AQP11: variants seen among roughly 807,000 people sequenced by gnomAD.
The protein encoded by AQP11 is aquaporin-11.
A neutral mutation model predicts 21.1 loss-of-function variants in AQP11; 20 were observed. That is an observed-to-expected ratio of 0.95 (90% CI 0.67 to 1.38). AQP11 has a LOEUF of 1.38. Among genes scored for constraint, AQP11 ranks in the 40% most tolerant of loss-of-function variants. The pLI, the probability that AQP11 is intolerant of heterozygous loss-of-function variation, is 0.00. For missense variants in AQP11, 339 were observed against 340.4 expected (o/e 1.00, Z 0.03); for synonymous variants, 167 against 150.1 (o/e 1.11, Z -0.82).
rs1174973726 is a variant in AQP11 at position 77,596,562 on chromosome 11, ATG to A, written c.619+5953_619+5954del. Among the ~76,000 whole-genome samples the A allele has an allele frequency of 2.9e-3, 382 of 133,262 alleles. 7 individuals are homozygous for A. Among genetic ancestry groups the A allele is most frequent in the East Asian group, 0.014 (68 of 4,776 alleles). 87.4% of individuals were successfully genotyped at this position (133,262 alleles called of 152,430 possible). A position where few individuals can be genotyped will look rare whatever the true frequency, so the allele number is the denominator to read the frequency against. ...AATATATATATATATATATATATAT[ATG>A]TATGTAATGGTTAAGGCCAGGTATG... On this transcript the variant is annotated intron_variant, in intron 1 of 2. Transcript: ENST00000313578.
intron 2 of AQP11, among the ~76,000 whole-genome samples, chr11:77,607,155 C>A (rs1958851319): frequency 6.6e-6 from 1 of 152,072 alleles, no homozygotes; most frequent in Admixed American, 6.6e-5. Context: ...ATACTGCATT[C>A]CAGCCAGCCA....
At chr11:77,608,132 T>TC (rs1289602871) in intron 2 of AQP11, among the ~76,000 whole-genome samples, 1 of 152,244 alleles carries the variant, frequency 6.6e-6, no homozygotes, top group Non-Finnish European at 1.5e-5. Flanking sequence ...TTTAAACTGA[T>TC]CTAGGGCTTT....
rs1351410508 is a variant in AQP11 at position 77,609,415 on chromosome 11, A to G, written c.*38A>G. On this transcript the variant is annotated 3_prime_UTR_variant, in exon 3 of 3. Coordinates refer to ENST00000313578, the MANE Select transcript of AQP11 (RefSeq NM_173039.3). ...CTCAGACTAACATACAGGACAGTCC[A>G]GCTGGATGTGATAAAGATTTTATCA... 2 of 1,495,346 alleles carry G rather than the reference A, an allele frequency of 1.3e-6. No individual in the cohort carries two copies. Among genetic ancestry groups the G allele is most frequent in the Non-Finnish European group, 9.1e-7 (1 of 1,093,486 alleles). 92.6% of individuals were successfully genotyped at this position (1,495,346 alleles called of 1,614,324 possible). A position where few individuals can be genotyped will look rare whatever the true frequency, so the allele number is the denominator to read the frequency against.
chr11:77,600,755 G>A (rs1958810756), intron 1 of AQP11, among the ~76,000 whole-genome samples: 1 of 152,220 alleles, frequency 6.6e-6, no homozygotes, highest in East Asian at 1.9e-4. Context: ...GCTCACGCCT[G>A]TAATCCCAGC....
chr11:77,590,693 A>C (rs1008160009), intron 1 of AQP11, 82 bp downstream of exon 1: 72 of 1,521,150 alleles, frequency 4.7e-5, no homozygotes, highest in Middle Eastern at 1.8e-4. Context: ...AATACATTTG[A>C]AACCGTCTAT....
chr11:77,606,037 A>C (rs1384470098), intron 2 of AQP11, among the ~76,000 whole-genome samples: 1 of 4,860 alleles, frequency 2.1e-4, no homozygotes, highest in Non-Finnish European at 3.9e-4. Flanking sequence ...AGCGAGTCTC[A>C]AAAAAAAAAA....
At chr11:77,604,724 T>TTATTGTTATGCTCAATATCA (rs1477169332) in intron 2 of AQP11, among the ~76,000 whole-genome samples, 1 of 152,226 alleles carries the variant, frequency 6.6e-6, no homozygotes, top group Non-Finnish European at 1.5e-5. Flanking sequence ...CACATTAATG[T>TTATTGTTATGCTCAATATCA]TATTGTTATG....
intron 2 of AQP11, among the ~76,000 whole-genome samples, chr11:77,604,808 G>C (rs189972497): frequency 6.6e-6 from 1 of 152,220 alleles, no homozygotes; most frequent in Non-Finnish European, 1.5e-5. Context: ...AAGAATATCA[G>C]AGAAAAACTG....
chr11:77,606,036 CAAAAAAAAAAAAAA>C (rs11326964), intron 2 of AQP11, among the ~76,000 whole-genome samples: 3,572 of 64,256 alleles, frequency 0.056, 178 homozygotes, highest in African/African-American at 0.17. Context: ...GAGCGAGTCT[CAAAAAAAAAAAAAA>C]AAAAAAAAAA....
chr11:77,593,869 T>C (rs1369050726), intron 1 of AQP11, among the ~76,000 whole-genome samples: 1 of 152,174 alleles, frequency 6.6e-6, no homozygotes, highest in Admixed American at 6.5e-5. Flanking sequence ...CAATTGAATA[T>C]ATTCAGCCAT....
intron 2 of AQP11, among the ~76,000 whole-genome samples, chr11:77,608,208 A>G (rs2135752796): frequency 6.6e-6 from 1 of 152,366 alleles, no homozygotes; most frequent in South Asian, 2.1e-4. Context: ...CAGGATAGTG[A>G]CTTGAGCCCT....
chr11:77,608,890 T>C (rs373435278), intron 2 of AQP11, among the ~76,000 whole-genome samples: 41 of 152,304 alleles, frequency 2.7e-4, no homozygotes, highest in African/African-American at 9.9e-4. Context: ...GGTATGTCCC[T>C]GGGGCACGGA....
rs1461971965 is a variant in AQP11 at position 77,596,454 on chromosome 11, A to AT, written c.619+5843_619+5844insT. ...AGACTATGTCTCAATTAAAAAAAAA[A>AT]AATATATATATATATGTAAATATAT... On this transcript the variant is annotated intron_variant, in intron 1 of 2. Transcript: ENST00000313578. Among the ~76,000 whole-genome samples the AT allele has an allele frequency of 1.7e-3, 204 of 117,592 alleles. 1 individual carries two copies. The highest frequency in any genetic ancestry group is 2.3e-3 in the Non-Finnish European group (133 of 57,214). 77.1% of individuals were successfully genotyped at this position (117,592 alleles called of 152,430 possible).
intron 2 of AQP11, among the ~76,000 whole-genome samples, chr11:77,606,731 A>G (rs1335564865): frequency 1.3e-5 from 2 of 152,098 alleles, no homozygotes; most frequent in Non-Finnish European, 2.9e-5. Context: ...TTTTTTATAG[A>G]AATGGGGTTT....
intron 1 of AQP11, among the ~76,000 whole-genome samples, chr11:77,596,865 A>T (rs200413466): frequency 4.1e-5 from 4 of 96,456 alleles, no homozygotes; most frequent in Admixed American, 1.0e-4. Context: ...GTTTCAATTT[A>T]AAAAAAAAAA....
At position 77,591,443 on chromosome 11, in the gene AQP11, G is replaced by C. The variant is rs1344246022; in HGVS notation, c.619+832G>C. On this transcript the variant is annotated intron_variant, in intron 1 of 2. Coordinates refer to ENST00000313578, the MANE Select transcript of AQP11 (RefSeq NM_173039.3). ...TTGGGACTACATCTAAATTATAAAA[G>C]ACTGTGGAGGCAGAAATAACAACAA... The C allele has an allele frequency of 5.8e-6, 3 of 519,934 alleles. No homozygotes were observed. In the East Asian group the frequency reaches 4.5e-4, roughly 78 times the overall value. The allele number at this position is 519,934 out of a possible 1,614,324, so 32.2% of individuals were successfully genotyped here. A position where few individuals can be genotyped will look rare whatever the true frequency, so the allele number is the denominator to read the frequency against.
chr11:77,597,916 C>T (rs553026535), intron 1 of AQP11, among the ~76,000 whole-genome samples: 102 of 151,816 alleles, frequency 6.7e-4, no homozygotes, highest in Non-Finnish European at 1.1e-3. Context: ...AATTTTTGTA[C>T]TTTTAGTAGA....
At chr11:77,596,455 A>ATAT (rs60868372) in intron 1 of AQP11, among the ~76,000 whole-genome samples, 3 of 131,758 alleles carry the variant, frequency 2.3e-5, no homozygotes, top group African/African-American at 8.9e-5. Context: ...AAAAAAAAAA[A>ATAT]ATATATATAT....
chr11:77,603,854 T>A (rs1958829592), intron 2 of AQP11, among the ~76,000 whole-genome samples, 182 bp downstream of exon 2: 1 of 152,204 alleles, frequency 6.6e-6, no homozygotes, highest in Admixed American at 6.5e-5. Context: ...TTAAAGGTAG[T>A]CAGTTTCAGA....
Sources: gnomAD v4.1 joint callset for allele counts (sites outside exome capture counted in the v4.1 genomes callset) on GRCh38, gnomAD v4.1.1 for gene constraint, MANE v1.5 for transcripts, NCBI Gene and HGNC (gene_info 2026-07-23, HGNC 2026-07-21) for gene names.